SVOP: variants seen among roughly 807,000 people sequenced by gnomAD.
SVOP encodes the protein synaptic vesicle 2-related protein.
Under a neutral mutation model 69.1 loss-of-function variants are expected in SVOP, and 17 were observed. The observed-to-expected ratio is 0.25, with a 90% CI of 0.17 to 0.37. The LOEUF (loss-of-function observed/expected upper bound fraction) is 0.37, where lower values mean the gene tolerates loss of function less well. Among genes scored for constraint, SVOP ranks in the 10% least tolerant of loss-of-function variants. The pLI, the probability that SVOP is intolerant of heterozygous loss-of-function variation, is 1.00. For synonymous variants in SVOP, 238 were observed against 238.6 expected (o/e 1.00, Z 0.02); for missense variants, 435 against 597.5 (o/e 0.73, Z 2.84).
chr12:108,917,472 C>T (rs2039721009), intron 14 of SVOP, among the ~76,000 whole-genome samples: 1 of 152,156 alleles, frequency 6.6e-6, no homozygotes, highest in Non-Finnish European at 1.5e-5. Flanking sequence ...GCCCTACTAT[C>T]AGGGATATCT....
chr12:108,908,640 G>A lies in SVOP; in HGVS notation c.*3895C>T, dbSNP rs1013447082. The A allele has an allele frequency of 2.0e-5, 3 of 152,116 alleles. No individual in the cohort carries two copies. Among genetic ancestry groups the A allele is most frequent in the Non-Finnish European group, 4.4e-5 (3 of 68,020 alleles). 9.4% of individuals were successfully genotyped at this position (152,116 alleles called of 1,614,324 possible). On this transcript the variant is annotated 3_prime_UTR_variant, in exon 16 of 16. Transcript: ENST00000610966. ...TGTAGGAAATTAACTACCGATCCCA[G>A]TCTTATAATAAAGCTCTGTTCCTTA...
At chr12:108,997,220 G>A (rs1204358723) in intron 1 of SVOP, among the ~76,000 whole-genome samples, 66 of 149,870 alleles carry the variant, frequency 4.4e-4, no homozygotes, top group African/African-American at 9.9e-4. Context: ...GGAAAATCGG[G>A]TCACTCCCAC....
At chr12:108,988,900 G>A (rs1294290948) in intron 1 of SVOP, among the ~76,000 whole-genome samples, 1 of 151,116 alleles carries the variant, frequency 6.6e-6, no homozygotes, top group Non-Finnish European at 1.5e-5. Flanking sequence ...AGCCTCCTGA[G>A]TAGCTGGGAC....
intron 15 of SVOP, among the ~76,000 whole-genome samples, chr12:108,913,914 G>A (rs749084803): frequency 1.3e-5 from 2 of 152,170 alleles, no homozygotes; most frequent in African/African-American, 2.4e-5. Context: ...GCCTCCCAAA[G>A]TGCTGGGATT....
intron 5 of SVOP, among the ~76,000 whole-genome samples, chr12:108,970,883 G>T (rs1447337361): frequency 2.0e-5 from 3 of 151,758 alleles, no homozygotes; most frequent in African/African-American, 7.3e-5. Flanking sequence ...AGCTGGGCAT[G>T]GTGGCACAAG....
intron 1 of SVOP, among the ~76,000 whole-genome samples, chr12:109,002,824 G>A (rs1255233128): frequency 9.7e-6 from 1 of 103,502 alleles, no homozygotes; most frequent in African/African-American, 3.7e-5. Context: ...GGGGGGAGGG[G>A]GGAGGGATAG....
intron 1 of SVOP, among the ~76,000 whole-genome samples, chr12:108,992,126 C>T (rs1174817346): frequency 3.9e-5 from 6 of 152,102 alleles, no homozygotes; most frequent in Admixed American, 2.6e-4. Flanking sequence ...GATACTCCCA[C>T]GATGGCTTGT....
chr12:108,971,545 C>A (rs1389488392), intron 5 of SVOP, among the ~76,000 whole-genome samples: 1 of 152,192 alleles, frequency 6.6e-6, no homozygotes, highest in Non-Finnish European at 1.5e-5. Flanking sequence ...CTGTAAGTTC[C>A]CTCTTCCTTC....
At chr12:108,925,254 G>T (rs1303170178) in intron 11 of SVOP, among the ~76,000 whole-genome samples, 1 of 152,104 alleles carries the variant, frequency 6.6e-6, no homozygotes, top group Non-Finnish European at 1.5e-5. Flanking sequence ...TCCTTGCTTG[G>T]CATCCTGCAA....
intron 7 of SVOP, among the ~76,000 whole-genome samples, 154 bp from the exon 8 acceptor site, chr12:108,941,063 T>C (rs2039888516): frequency 6.6e-6 from 1 of 152,140 alleles, no homozygotes; most frequent in Admixed American, 6.5e-5. Flanking sequence ...GTCTATATGG[T>C]TGGGCCAGGG....
At chr12:108,914,357 G>T (rs2039701403) in intron 15 of SVOP, among the ~76,000 whole-genome samples, 1 of 152,076 alleles carries the variant, frequency 6.6e-6, no homozygotes, top group South Asian at 2.1e-4. Flanking sequence ...TTTGTTATGT[G>T]ACGTTTACCT....
intron 9 of SVOP, among the ~76,000 whole-genome samples, chr12:108,937,544 TC>T (rs1045989339): frequency 1.1e-4 from 17 of 152,028 alleles, no homozygotes; most frequent in Non-Finnish European, 2.9e-5. Context: ...AGGGGCATGA[TC>T]CCCACAGGAT....
At chr12:108,913,157 C>T (rs1343574628) in intron 15 of SVOP, among the ~76,000 whole-genome samples, 1 of 151,908 alleles carries the variant, frequency 6.6e-6, no homozygotes. Context: ...CCGCAACCTC[C>T]GCCTTCAGGG....
At chr12:108,917,884 G>C (rs559217114) in intron 14 of SVOP, among the ~76,000 whole-genome samples, 159 bp downstream of exon 14, 1 of 152,146 alleles carries the variant, frequency 6.6e-6, no homozygotes, top group Non-Finnish European at 1.5e-5. Flanking sequence ...GGGCTCAAGT[G>C]ATCCTCCTGC....
chr12:108,918,776 CATAT>C (rs754961910), intron 13 of SVOP, among the ~76,000 whole-genome samples: 31 of 152,232 alleles, frequency 2.0e-4, no homozygotes, highest in Admixed American at 6.5e-4. Context: ...ACAGTTTTAA[CATAT>C]ATATAAATAG....
intron 1 of SVOP, among the ~76,000 whole-genome samples, chr12:109,020,228 C>G (rs185004146): frequency 6.6e-6 from 1 of 152,272 alleles, no homozygotes; most frequent in Non-Finnish European, 1.5e-5. Context: ...GACAGTGAGT[C>G]TCACTCTAGC....
At chr12:109,002,798 G>C (rs1347136980) in intron 1 of SVOP, among the ~76,000 whole-genome samples, 2 of 126,106 alleles carry the variant, frequency 1.6e-5, no homozygotes, top group African/African-American at 5.8e-5. Flanking sequence ...TCACACTCTG[G>C]GGACTGTGGT....
At chr12:109,006,987 G>A (rs1160667478) in intron 1 of SVOP, among the ~76,000 whole-genome samples, 1 of 152,162 alleles carries the variant, frequency 6.6e-6, no homozygotes, top group Non-Finnish European at 1.5e-5. Context: ...TGGGAGAAGA[G>A]GTGGTGGTGG....
chr12:108,994,829 C>T (rs1309194218), intron 1 of SVOP, among the ~76,000 whole-genome samples: 2 of 152,136 alleles, frequency 1.3e-5, no homozygotes, highest in Non-Finnish European at 2.9e-5. Flanking sequence ...ATGGATATAG[C>T]ACATCCACTT....
Sources: gnomAD v4.1 joint callset for allele counts (sites outside exome capture counted in the v4.1 genomes callset) on GRCh38, gnomAD v4.1.1 for gene constraint, MANE v1.5 for transcripts, NCBI Gene and HGNC (gene_info 2026-07-23, HGNC 2026-07-21) for gene names.